SIN3A: variants seen among roughly 807,000 people sequenced by gnomAD.
SIN3A encodes SIN3 transcription regulator family member A, also known as paired amphipathic helix protein Sin3a.
In SIN3A, 14 loss-of-function variants were observed where a neutral mutation model predicts 146.1. The observed-to-expected ratio is 0.10, with a 90% CI of 0.06 to 0.15. SIN3A has a LOEUF of 0.15. Among genes scored for constraint, SIN3A ranks in the 10% least tolerant of loss-of-function variants. SIN3A has a pLI of 1.00. For missense variants in SIN3A, 1,028 were observed against 1,576.0 expected, an observed-to-expected ratio of 0.65 and a Z score of 5.89; for synonymous variants, 572 against 572.0, an observed-to-expected ratio of 1.00 and a Z score of 0.00.
intron 7 of SIN3A, 45 bp downstream of exon 7, chr15:75,410,089 A>G (rs749084727): frequency 6.2e-7 from 1 of 1,604,296 alleles, no homozygotes; most frequent in Admixed American, 1.7e-5. Context: ...CAACTCATCT[A>G]AGATAATAAT....
chr15:75,383,656 G>C (rs2141393965), intron 17 of SIN3A, among the ~76,000 whole-genome samples: 1 of 152,046 alleles, frequency 6.6e-6, no homozygotes, highest in East Asian at 1.9e-4. Context: ...AGCCTCCAGA[G>C]TAGCTGGGAC....
chr15:75,396,547 A>G, intron 12 of SIN3A, 51 bp from the exon 13 acceptor site: 1 of 1,298,668 alleles, frequency 7.7e-7, no homozygotes, highest in Non-Finnish European at 1.1e-6. Context: ...TCAAAATAGA[A>G]TAGAGTAGTG....
chr15:75,389,340 G>A (rs977865427), intron 16 of SIN3A, among the ~76,000 whole-genome samples: 8 of 151,696 alleles, frequency 5.3e-5, no homozygotes, highest in Admixed American at 6.6e-5. Context: ...TATGGAAGAC[G>A]CAATGTTCCA....
chr15:75,412,648 GA>G, intron 5 of SIN3A, 114 bp downstream of exon 5: 1 of 1,094,972 alleles, frequency 9.1e-7, no homozygotes, highest in Non-Finnish European at 1.3e-6. Flanking sequence ...TTTCTATGAC[GA>G]AATCTTTGTA....
intron 1 of SIN3A, among the ~76,000 whole-genome samples, chr15:75,434,368 G>A (rs1203501498): frequency 6.6e-6 from 1 of 152,184 alleles, no homozygotes; most frequent in Non-Finnish European, 1.5e-5. Context: ...GTGTAAAGTA[G>A]GCCGGGCGCG....
intron 1 of SIN3A, among the ~76,000 whole-genome samples, chr15:75,446,618 A>T (rs2074311798): frequency 6.6e-6 from 1 of 151,728 alleles, no homozygotes; most frequent in Non-Finnish European, 1.5e-5. Flanking sequence ...CAGCCTCTCA[A>T]GTAACTGGGA....
intron 1 of SIN3A, among the ~76,000 whole-genome samples, chr15:75,445,360 G>A (rs576954177): frequency 2.7e-4 from 36 of 132,464 alleles, no homozygotes; most frequent in African/African-American, 5.5e-4. Flanking sequence ...CAGCCTGGGC[G>A]ACAGAGCGAG....
rs2073041299 is a variant in SIN3A, at chr15:75,384,370, T to C, written c.3089A>G (p.Asn1030Ser). Reference sequence around the variant, plus strand: ...GTTCAGCTGGCCTCCGGTGGCCCCATTATTATTTTCTGCCAGGTAAAGGTC... The same window carrying C: ...GTTCAGCTGGCCTCCGGTGGCCCCACTATTATTTTCTGCCAGGTAAAGGTC... ...VTDLYLAENN[N>S]GATGGQLNTQ... is the part of the protein sequence containing the mutation. Residue 1030 changes from asparagine (N) to serine (S), a missense_variant, in exon 17 of 21, where the codon AAT becomes AGT. Asn to Ser is a conservative substitution (Grantham distance 46, BLOSUM62 1). Around this residue, in one of 9 missense-constraint regions of SIN3A, gnomAD observed 488 missense variants for 690.2 expected, o/e 0.71. Transcript: ENST00000394947. 2 of 1,613,088 alleles carry C rather than the reference T, an allele frequency of 1.2e-6. No homozygotes were observed. The highest frequency in any genetic ancestry group is 1.3e-5 in the African/African-American group (1 of 74,988).
rs763218342 is a variant in SIN3A at position 75,394,880 on chromosome 15, G to A, written c.2094-17C>T. Reference sequence around the variant, plus strand: ...ATCTTCAACCTAGTGAAGCGGGAAGGGATGGAAACAACACATGGGAATTCA... The same window carrying A: ...ATCTTCAACCTAGTGAAGCGGGAAGAGATGGAAACAACACATGGGAATTCA... On this transcript the variant is annotated splice_polypyrimidine_tract_variant and intron_variant, in intron 13 of 20. Transcript: ENST00000394947. 1.9e-6 allele frequency: 3 copies of A among 1,606,958 alleles called. No individual in the cohort carries two copies. Among genetic ancestry groups the A allele is most frequent in the Middle Eastern group, 1.7e-4 (1 of 5,998 alleles).
intron 3 of SIN3A, among the ~76,000 whole-genome samples, chr15:75,416,713 T>C (rs1489415178): frequency 6.6e-6 from 1 of 152,190 alleles, no homozygotes; most frequent in African/African-American, 2.4e-5. Context: ...CATCCTGTTC[T>C]CCCTCCCCAC....
intron 1 of SIN3A, among the ~76,000 whole-genome samples, chr15:75,431,793 A>C (rs1256163536): frequency 6.6e-6 from 1 of 152,188 alleles, no homozygotes; most frequent in African/African-American, 2.4e-5. Flanking sequence ...TCCTCACTAT[A>C]GTCCTCAATC....
intron 1 of SIN3A, among the ~76,000 whole-genome samples, chr15:75,442,329 TG>T (rs989432767): frequency 3.3e-5 from 5 of 150,862 alleles, no homozygotes; most frequent in East Asian, 1.9e-4. Context: ...TGGTTTTGAT[TG>T]TTTTTTTTTT....
chr15:75,386,325 C>T (rs2073077564), intron 16 of SIN3A, among the ~76,000 whole-genome samples: 2 of 152,126 alleles, frequency 1.3e-5, no homozygotes, highest in African/African-American at 4.8e-5. Flanking sequence ...ACCGCCTCTA[C>T]TTTATACTTT....
At chr15:75,381,779 G>A in intron 17 of SIN3A, 74 bp from the exon 18 acceptor site, 1 of 1,223,174 alleles carries the variant, frequency 8.2e-7, no homozygotes, top group Non-Finnish European at 1.2e-6. Context: ...AGGAATGAGA[G>A]GTGCAGAGGC....
chr15:75,397,807 T>C (rs1005017864), intron 12 of SIN3A, among the ~76,000 whole-genome samples: 4 of 152,222 alleles, frequency 2.6e-5, no homozygotes, highest in South Asian at 2.1e-4. Context: ...TGAGAGAGGA[T>C]AGGAACACTC....
rs373023513 is a variant in SIN3A, at chr15:75,432,210, C to T, written c.-33-1802G>A. ...CATGTTATTTGCCACTAATCAACTA[C>T]GAACACTAAACCTCAGCGTGTTTTG... is the stretch of plus-strand genomic sequence containing the variant. On this transcript the variant is annotated intron_variant, in intron 1 of 20. Coordinates refer to ENST00000394947, the MANE Select transcript of SIN3A (RefSeq NM_001145358.2). Among the ~76,000 whole-genome samples the T allele has an allele frequency of 5.9e-5, 9 of 152,286 alleles. No individual in the cohort carries two copies. The South Asian group carries it at 6.2e-4, about 11-fold the overall frequency.
chr15:75,385,124 G>A (rs1270052396), intron 16 of SIN3A, among the ~76,000 whole-genome samples: 1 of 152,182 alleles, frequency 6.6e-6, no homozygotes, highest in African/African-American at 2.4e-5. Flanking sequence ...AGTGAGCCGA[G>A]ACTGCACCAC....
chr15:75,387,913 T>C (rs557106273), intron 16 of SIN3A, among the ~76,000 whole-genome samples: 10 of 152,286 alleles, frequency 6.6e-5, no homozygotes, highest in Admixed American at 2.0e-4. Context: ...AGACCTCTTA[T>C]GGGAAGGCCT....
chr15:75,454,524 G>A (rs2074459528), upstream of SIN3A, among the ~76,000 whole-genome samples: 1 of 150,628 alleles, frequency 6.6e-6, no homozygotes. Context: ...CCGCCTACCC[G>A]CCCGCGGCCG....
Sources: allele counts gnomAD v4.1 joint callset (sites outside exome capture counted in the v4.1 genomes callset), GRCh38; gene constraint gnomAD v4.1.1; regional missense constraint gnomAD v4.1.1; transcripts MANE v1.5; gene names NCBI Gene and HGNC (gene_info 2026-07-23, HGNC 2026-07-21).